Variants in PYGO1 observed in about 807,000 individuals in gnomAD.
The protein encoded by PYGO1 is pygopus family PHD finger 1.
PYGO1 carries 6 observed loss-of-function variants against 29.5 expected under a neutral mutation model. That is an observed-to-expected ratio of 0.20 (90% CI 0.11 to 0.40). The LOEUF (loss-of-function observed/expected upper bound fraction) is 0.40, where lower values mean the gene tolerates loss of function less well. Among genes scored for constraint, PYGO1 ranks in the 10% least tolerant of loss-of-function variants. PYGO1 has a pLI of 1.00. For missense variants in PYGO1, 515 were observed against 514.9 expected (o/e 1.00, Z 0.00); for synonymous variants, 186 against 180.5 (o/e 1.03, Z -0.24).
At chr15:55,582,068 G>A (rs946716249) in intron 1 of PYGO1, among the ~76,000 whole-genome samples, 11 of 152,072 alleles carry the variant, frequency 7.2e-5, no homozygotes, top group African/African-American at 2.2e-4. Context: ...TTAGCCGGGC[G>A]TGGTGGCACG....
At chr15:55,547,593 T>C (rs532854848) in intron 2 of PYGO1, among the ~76,000 whole-genome samples, 1 of 152,294 alleles carries the variant, frequency 6.6e-6, no homozygotes, top group South Asian at 2.1e-4. Context: ...TCCCCTAGCT[T>C]AACTTCAGGG....
intron 1 of PYGO1, among the ~76,000 whole-genome samples, chr15:55,566,153 C>G (rs531052296): frequency 1.3e-5 from 2 of 152,164 alleles, no homozygotes; most frequent in East Asian, 3.9e-4. Flanking sequence ...TTGTATGATG[C>G]TGAGGTTTGA....
intron 1 of PYGO1, among the ~76,000 whole-genome samples, chr15:55,564,259 A>G (rs1020031868): frequency 5.3e-5 from 8 of 152,244 alleles, no homozygotes; most frequent in African/African-American, 1.9e-4. Flanking sequence ...AAGTACTGAT[A>G]CATGCTACAA....
chr15:55,556,637 T>G lies in PYGO1; in HGVS notation c.50-7642A>C, dbSNP rs566962489. Among the ~76,000 whole-genome samples the G allele has an allele frequency of 1.7e-4, 25 of 146,580 alleles. No individual in the cohort carries two copies. In the South Asian group the frequency reaches 5.4e-3, roughly 32 times the overall value. On this transcript the variant is annotated intron_variant, in intron 1 of 2. Coordinates refer to ENST00000563719, the MANE Select transcript of PYGO1 (RefSeq NM_001367806.1). ...TCCAAAGGTAGCAGAAGAAAAGAAA[T>G]AAGCAAAATCAGAGCAGAACTGAAG...
upstream of PYGO1, chr15:55,588,675 A>G (rs921967276): frequency 1.6e-5 from 15 of 966,140 alleles, no homozygotes; most frequent in Non-Finnish European, 2.1e-5. Context: ...CAGGCCCGAG[A>G]ACGCCCGACC....
chr15:55,578,373 A>C (rs533646962), intron 1 of PYGO1, among the ~76,000 whole-genome samples: 122 of 152,050 alleles, frequency 8.0e-4, no homozygotes, highest in Non-Finnish European at 1.3e-3. Flanking sequence ...TTGAGTATCT[A>C]TCTAGAGGTG....
intron 1 of PYGO1, among the ~76,000 whole-genome samples, chr15:55,587,090 G>A (rs1342065463): frequency 1.3e-5 from 2 of 152,166 alleles, no homozygotes; most frequent in South Asian, 2.1e-4. Context: ...ACCTTATTAA[G>A]AGCTAAAAGG....
chr15:55,585,756 G>A (rs1344305821), intron 1 of PYGO1, among the ~76,000 whole-genome samples: 1 of 152,102 alleles, frequency 6.6e-6, no homozygotes, highest in Non-Finnish European at 1.5e-5. Context: ...ATTTGATTAG[G>A]ACTGATAATT....
At position 55,587,914 on chromosome 15, in the gene PYGO1, G is replaced by T. The variant is rs914737504; in HGVS notation, c.-31C>A. 16 of 1,464,348 alleles carry T rather than the reference G, an allele frequency of 1.1e-5. No individual in the cohort carries two copies. Among genetic ancestry groups the T allele is most frequent in the Non-Finnish European group, 1.4e-5 (16 of 1,106,464 alleles). The allele number at this position is 1,464,348 out of a possible 1,614,324, so 90.7% of individuals were successfully genotyped here. A position where few individuals can be genotyped will look rare whatever the true frequency, so the allele number is the denominator to read the frequency against. On this transcript the variant is annotated 5_prime_UTR_variant, in exon 1 of 3. Coordinates refer to ENST00000563719, the MANE Select transcript of PYGO1 (RefSeq NM_001367806.1). The stretch of plus-strand genomic sequence containing the variant: ...ACCGCAAAGCATGACTCCCCCCCAG[G>T]CCGCGGGAATTCGGTCTCTTTGATG...
intron 2 of PYGO1, among the ~76,000 whole-genome samples, chr15:55,548,095 T>C (rs749249145): frequency 3.9e-4 from 60 of 152,062 alleles, no homozygotes; most frequent in African/African-American, 1.3e-3. Flanking sequence ...TCTCAGCTCA[T>C]TGCAACCTCT....
At position 55,565,554 on chromosome 15, in the gene PYGO1, T is replaced by TA. The variant is rs869213520; in HGVS notation, c.50-16560dup. 6.3e-3 allele frequency among the ~76,000 whole-genome samples: 915 copies of TA among 144,464 alleles called. 10 individuals are homozygous for TA. The highest frequency in any genetic ancestry group is 0.02 in the African/African-American group (786 of 39,490). The allele number at this position is 144,464 out of a possible 152,430, so 94.8% of individuals were successfully genotyped here. A position where few individuals can be genotyped will look rare whatever the true frequency, so the allele number is the denominator to read the frequency against. On this transcript the variant is annotated intron_variant, in intron 1 of 2. Coordinates refer to ENST00000563719, the MANE Select transcript of PYGO1 (RefSeq NM_001367806.1). Reference sequence around the variant, plus strand: ...CCCCATCTCTACTAAAAATAAAAATTAAAAAAAAAAAATTAGCCAGGCTGG... The same window carrying TA: ...CCCCATCTCTACTAAAAATAAAAATTAAAAAAAAAAAAATTAGCCAGGCTGG...
chr15:55,566,887 T>C (rs2058959081), intron 1 of PYGO1, among the ~76,000 whole-genome samples: 1 of 152,206 alleles, frequency 6.6e-6, no homozygotes, highest in South Asian at 2.1e-4. Flanking sequence ...TGGGCTGCCA[T>C]GTCCAGCTAA....
At chr15:55,565,919 T>TTATA (rs2058954363) in intron 1 of PYGO1, among the ~76,000 whole-genome samples, 2 of 151,996 alleles carry the variant, frequency 1.3e-5, no homozygotes, top group Admixed American at 6.6e-5. Context: ...GTAGCTGAGA[T>TTATA]TATAGGCACA....
intron 1 of PYGO1, among the ~76,000 whole-genome samples, chr15:55,579,989 G>A (rs1034571155): frequency 6.6e-6 from 1 of 152,040 alleles, no homozygotes; most frequent in African/African-American, 2.4e-5. Flanking sequence ...CATTCCCACT[G>A]GTCTCCCACT....
intron 1 of PYGO1, among the ~76,000 whole-genome samples, chr15:55,563,955 G>A (rs1249961948): frequency 1.3e-5 from 2 of 152,188 alleles, no homozygotes; most frequent in Non-Finnish European, 2.9e-5. Flanking sequence ...TACTTTGCAG[G>A]TGGGAATGTA....
At chr15:55,566,810 A>G (rs931911618) in intron 1 of PYGO1, among the ~76,000 whole-genome samples, 4 of 152,188 alleles carry the variant, frequency 2.6e-5, no homozygotes, top group African/African-American at 9.7e-5. Context: ...AGCTGACTAC[A>G]GCCTTGCCCT....
chr15:55,558,138 A>T (rs934001317), intron 1 of PYGO1, among the ~76,000 whole-genome samples: 5 of 152,232 alleles, frequency 3.3e-5, no homozygotes, highest in Non-Finnish European at 7.3e-5. Flanking sequence ...ACAGATAAGC[A>T]ACTTCAGCAA....
chr15:55,584,143 T>C (rs1595996832), intron 1 of PYGO1, among the ~76,000 whole-genome samples: 1 of 142,384 alleles, frequency 7.0e-6, no homozygotes, highest in South Asian at 2.2e-4. Context: ...GCAGATAGGG[T>C]CTCACTCCAA....
At chr15:55,582,282 G>T (rs1164631758) in intron 1 of PYGO1, among the ~76,000 whole-genome samples, 1 of 151,868 alleles carries the variant, frequency 6.6e-6, no homozygotes, top group African/African-American at 2.4e-5. Flanking sequence ...GTAGGGGATG[G>T]ATAAAGATGG....
Sources: gnomAD v4.1 joint callset for allele counts (sites outside exome capture counted in the v4.1 genomes callset) on GRCh38, gnomAD v4.1.1 for gene constraint, MANE v1.5 for transcripts, NCBI Gene and HGNC (gene_info 2026-07-23, HGNC 2026-07-21) for gene names.